Variants in RCHY1 observed in about 807,000 individuals in gnomAD.
The protein encoded by RCHY1 is ring finger and CHY zinc finger domain containing 1.
RCHY1 carries 21 observed loss-of-function variants against 41.6 expected under a neutral mutation model. The observed-to-expected ratio is 0.51, with a 90% CI of 0.36 to 0.73. The LOEUF is 0.73. RCHY1 is among the 30% of genes least tolerant of loss of function. The probability of loss-of-function intolerance (pLI) is 0.00; values close to 1 mark genes in which losing one functional copy is unlikely to be tolerated. For synonymous variants in RCHY1, 79 were observed against 102.9 expected, an observed-to-expected ratio of 0.77 and a Z score of 1.41; for missense variants, 265 against 325.3, an observed-to-expected ratio of 0.81 and a Z score of 1.43.
At chr4:75,513,478 T>C (rs1461347325) in intron 1 of RCHY1, among the ~76,000 whole-genome samples, 62 of 152,318 alleles carry the variant, frequency 4.1e-4, no homozygotes, top group Non-Finnish European at 2.9e-5. Flanking sequence ...AAATCAGTTA[T>C]TAAAGAGGAG....
intron 7 of RCHY1, 42 bp from the exon 8 acceptor site, chr4:75,490,743 A>T (rs1450307628): frequency 6.6e-7 from 1 of 1,504,988 alleles, no homozygotes; most frequent in South Asian, 1.2e-5. Flanking sequence ...ATTAAACAAG[A>T]ATATATTAAT....
chr4:75,487,854 T>A (rs1295394659), intron 8 of RCHY1, among the ~76,000 whole-genome samples: 1 of 92,240 alleles, frequency 1.1e-5, no homozygotes, highest in African/African-American at 3.7e-5. Flanking sequence ...ATATTCATAA[T>A]ATATATATTC....
chr4:75,500,762 G>A (rs963663857), intron 3 of RCHY1, among the ~76,000 whole-genome samples: 1 of 152,044 alleles, frequency 6.6e-6, no homozygotes, highest in Non-Finnish European at 1.5e-5. Context: ...TTTATTTAAT[G>A]AACTAAAAGC....
At chr4:75,501,341 G>A (rs1029551059) in intron 3 of RCHY1, among the ~76,000 whole-genome samples, 1 of 152,136 alleles carries the variant, frequency 6.6e-6, no homozygotes, top group Non-Finnish European at 1.5e-5. Flanking sequence ...AAAAATAATA[G>A]TCATTATTGA....
intron 1 of RCHY1, among the ~76,000 whole-genome samples, chr4:75,512,379 A>G (rs895438971): frequency 6.6e-6 from 1 of 152,146 alleles, no homozygotes; most frequent in African/African-American, 2.4e-5. Context: ...TATTATCTCT[A>G]TTAACTTACT....
chr4:75,513,244 G>C (rs767583245), intron 1 of RCHY1, among the ~76,000 whole-genome samples: 1 of 152,162 alleles, frequency 6.6e-6, no homozygotes, highest in Non-Finnish European at 1.5e-5. Context: ...TAATGAGGCA[G>C]TGACCAGCAA....
rs137955612 is a variant in RCHY1 at position 75,509,097 on chromosome 4, TATG to T, written c.210+77_210+79del. 4.9e-3 allele frequency: 6,784 copies of T among 1,376,798 alleles called. 297 individuals carry two copies. The African/African-American group carries it at 0.09, about 18-fold the overall frequency. 85.3% of individuals were successfully genotyped at this position (1,376,798 alleles called of 1,614,324 possible). On this transcript the variant is annotated intron_variant, in intron 2 of 8. Coordinates refer to ENST00000324439, the MANE Select transcript of RCHY1 (RefSeq NM_015436.4). Reference sequence around the variant, plus strand: ...TTCTAGAAGTTAAAGAAATCTTATTTATGATACTTTTGATTAAATTTTTTCAAA... The same window carrying T: ...TTCTAGAAGTTAAAGAAATCTTATTTATACTTTTGATTAAATTTTTTCAAA...
chr4:75,481,017 G>C lies in RCHY1; in HGVS notation c.*1521C>G, dbSNP rs892831151. On this transcript the variant is annotated 3_prime_UTR_variant, in exon 9 of 9. Coordinates refer to ENST00000324439, the MANE Select transcript of RCHY1 (RefSeq NM_015436.4). ...AAAAAGTATTAGATCTGGAAAACTA[G>C]TCTTTACTTATCTGTATACTAATTG... 6.6e-6 allele frequency: 1 copy of C among 152,210 alleles called. No homozygotes were observed. Among genetic ancestry groups the C allele is most frequent in the African/African-American group, 2.4e-5 (1 of 41,452 alleles). 9.4% of individuals were successfully genotyped at this position (152,210 alleles called of 1,614,324 possible).
At chr4:75,487,228 C>T (rs1432113607) in intron 8 of RCHY1, among the ~76,000 whole-genome samples, 1 of 151,458 alleles carries the variant, frequency 6.6e-6, no homozygotes, top group Non-Finnish European at 1.5e-5. Context: ...CTCTCTTGAA[C>T]AAAGATTTCA....
At chr4:75,485,307 G>T (rs930093016) in intron 8 of RCHY1, among the ~76,000 whole-genome samples, 1 of 152,184 alleles carries the variant, frequency 6.6e-6, no homozygotes, top group African/African-American at 2.4e-5. Flanking sequence ...CTAAGAAACA[G>T]TAGTTAAATT....
At chr4:75,497,322 T>C (rs773341036) in intron 3 of RCHY1, among the ~76,000 whole-genome samples, 2 of 152,150 alleles carry the variant, frequency 1.3e-5, no homozygotes, top group African/African-American at 2.4e-5. Flanking sequence ...ACTGGATGTG[T>C]TTACCTACAG....
intron 3 of RCHY1, among the ~76,000 whole-genome samples, chr4:75,504,414 T>C (rs1321607945): frequency 6.6e-6 from 1 of 152,186 alleles, no homozygotes; most frequent in African/African-American, 2.4e-5. Flanking sequence ...GATGAAGACC[T>C]TTATGATGAT....
chr4:75,492,829 T>C (rs1194656160), intron 4 of RCHY1, among the ~76,000 whole-genome samples: 1 of 152,030 alleles, frequency 6.6e-6, no homozygotes, highest in Non-Finnish European at 1.5e-5. Context: ...CTAGCTCTGC[T>C]ATTTACCAGC....
intron 3 of RCHY1, among the ~76,000 whole-genome samples, 197 bp downstream of exon 3, chr4:75,508,623 T>C (rs1212108686): frequency 2.0e-5 from 3 of 152,144 alleles, no homozygotes. Context: ...AATAAACTTT[T>C]TAGAATGGAT....
rs1017713370 is a variant in RCHY1, at chr4:75,480,777, G to A, written c.*1761C>T. 1 of 152,334 alleles carries A rather than the reference G, an allele frequency of 6.6e-6. No homozygotes were observed. The highest frequency in any genetic ancestry group is 6.5e-5 in the Admixed American group (1 of 15,280). The allele number at this position is 152,334 out of a possible 1,614,324, so 9.4% of individuals were successfully genotyped here. A position where few individuals can be genotyped will look rare whatever the true frequency, so the allele number is the denominator to read the frequency against. On this transcript the variant is annotated 3_prime_UTR_variant, in exon 9 of 9. Coordinates refer to ENST00000324439, the MANE Select transcript of RCHY1 (RefSeq NM_015436.4). The stretch of plus-strand genomic sequence containing the variant: ...CCTAGCCCTTGGAAGGCCGAGGTAG[G>A]AGAAATGCTTGAGCCCAGGAGTTCA...
At chr4:75,503,937 A>C (rs1316103087) in intron 3 of RCHY1, among the ~76,000 whole-genome samples, 1 of 152,226 alleles carries the variant, frequency 6.6e-6, no homozygotes, top group Non-Finnish European at 1.5e-5. Flanking sequence ...TGATGTAAAA[A>C]TGAAAAAAAT....
At chr4:75,502,757 A>G (rs1295178038) in intron 3 of RCHY1, among the ~76,000 whole-genome samples, 2 of 152,162 alleles carry the variant, frequency 1.3e-5, no homozygotes, top group African/African-American at 4.8e-5. Flanking sequence ...TATCCTAACA[A>G]AAAGACTAAA....
chr4:75,508,212 T>A (rs994133208), intron 3 of RCHY1, among the ~76,000 whole-genome samples: 5 of 152,140 alleles, frequency 3.3e-5, no homozygotes, highest in African/African-American at 1.2e-4. Flanking sequence ...TTGACAGTAT[T>A]GGTAACATTC....
At position 75,480,268 on chromosome 4, in the gene RCHY1, ACAAT is replaced by A. The variant is rs1255495571; in HGVS notation, c.*2266_*2269del. On this transcript the variant is annotated 3_prime_UTR_variant, in exon 9 of 9. Coordinates refer to ENST00000324439, the MANE Select transcript of RCHY1 (RefSeq NM_015436.4). ...CATGTTTGGATCCTAAGTTAAAGAA[ACAAT>A]CAGATTGTGAAATAAGACTTTCTAA... is the stretch of plus-strand genomic sequence containing the variant. 1 of 152,228 alleles carries A rather than the reference ACAAT, an allele frequency of 6.6e-6. No individual in the cohort carries two copies. The highest frequency in any genetic ancestry group is 1.5e-5 in the Non-Finnish European group (1 of 68,038). 9.4% of individuals were successfully genotyped at this position (152,228 alleles called of 1,614,324 possible). A position where few individuals can be genotyped will look rare whatever the true frequency, so the allele number is the denominator to read the frequency against.
Sources: allele counts gnomAD v4.1 joint callset (sites outside exome capture counted in the v4.1 genomes callset), GRCh38; gene constraint gnomAD v4.1.1; transcripts MANE v1.5; gene names NCBI Gene and HGNC (gene_info 2026-07-23, HGNC 2026-07-21).